SCAI: variants seen among roughly 807,000 people sequenced by gnomAD.
SCAI encodes suppressor of cancer cell invasion.
A neutral mutation model predicts 92.2 loss-of-function variants in SCAI; 24 were observed. That is an observed-to-expected ratio of 0.26 (90% CI 0.19 to 0.37). The LOEUF is 0.37. Among genes scored for constraint, SCAI ranks in the 10% least tolerant of loss-of-function variants. SCAI has a pLI of 1.00. For synonymous variants in SCAI, 261 were observed against 258.6 expected (o/e 1.01, Z -0.09); for missense variants, 450 against 736.2 (o/e 0.61, Z 4.50).
At chr9:125,139,217 A>T (rs1479258717) in intron 2 of SCAI, among the ~76,000 whole-genome samples, 1 of 152,236 alleles carries the variant, frequency 6.6e-6, no homozygotes, top group African/African-American at 2.4e-5. Flanking sequence ...GTTCACGACC[A>T]GCCTGAGCAA....
At chr9:124,955,424 G>C (rs1340072521) in intron 17 of SCAI, among the ~76,000 whole-genome samples, 1 of 152,044 alleles carries the variant, frequency 6.6e-6, no homozygotes. Flanking sequence ...ATAAGGCCGG[G>C]TGTGATGGCC....
At chr9:125,093,260 C>T (rs1374474135) in intron 2 of SCAI, among the ~76,000 whole-genome samples, 1 of 152,060 alleles carries the variant, frequency 6.6e-6, no homozygotes, top group Non-Finnish European at 1.5e-5. Flanking sequence ...ACTCGGGAGG[C>T]TGAGGCAGGA....
At chr9:125,088,748 G>T (rs1285808560) in intron 2 of SCAI, among the ~76,000 whole-genome samples, 1 of 152,038 alleles carries the variant, frequency 6.6e-6, no homozygotes, top group Non-Finnish European at 1.5e-5. Flanking sequence ...AAAGTTCTAG[G>T]ATTACAGGCA....
intron 9 of SCAI, 109 bp downstream of exon 9, chr9:125,018,690 T>C: frequency 1.1e-6 from 1 of 934,364 alleles, no homozygotes; most frequent in Non-Finnish European, 1.6e-6. Context: ...TAATCAGCAA[T>C]TTCCTCACAA....
At chr9:125,013,549 A>T (rs1832684412) in intron 9 of SCAI, among the ~76,000 whole-genome samples, 1 of 152,220 alleles carries the variant, frequency 6.6e-6, no homozygotes, top group African/African-American at 2.4e-5. Flanking sequence ...TAGCTTACCA[A>T]CCAAAAAGAG....
chr9:124,995,163 T>C (rs578245643), intron 13 of SCAI, 148 bp from the exon 14 acceptor site: 1 of 570,922 alleles, frequency 1.8e-6, no homozygotes, highest in African/African-American at 1.9e-5. Flanking sequence ...AAAAAGCCTG[T>C]ATTTACTAGG....
chr9:125,088,771 C>T (rs1415620415), intron 2 of SCAI, among the ~76,000 whole-genome samples: 2 of 152,072 alleles, frequency 1.3e-5, no homozygotes, highest in Admixed American at 6.6e-5. Context: ...AACCACCATG[C>T]CTGGATGTAT....
At chr9:124,965,248 G>C (rs957834949) in intron 17 of SCAI, among the ~76,000 whole-genome samples, 1 of 151,768 alleles carries the variant, frequency 6.6e-6, no homozygotes, top group Admixed American at 6.6e-5. Flanking sequence ...GTGTATGTCG[G>C]GGGGGAATGG....
rs1835577584 is a variant in SCAI, at chr9:125,138,075, T to C, written c.98+4558A>G. On this transcript the variant is annotated intron_variant, in intron 2 of 17. Transcript: ENST00000336505. ...TGCACTAATTCTGCCACTGGCTTTA[T>C]CTGCTTCTTTCATTTCTTCTTGGCC... 2.0e-5 allele frequency among the ~76,000 whole-genome samples: 3 copies of C among 152,156 alleles called. No individual in the cohort carries two copies. The South Asian group carries it at 6.2e-4, about 32-fold the overall frequency.
rs1299930738 is a variant in SCAI at position 125,106,096 on chromosome 9, C to CACAAAAAAAAAAAAA, written c.98+36536_98+36537insTTTTTTTTTTTTTGT. Among the ~76,000 whole-genome samples the CACAAAAAAAAAAAAA allele has an allele frequency of 1.6e-4, 3 of 18,780 alleles. 1 individual carries two copies. In the East Asian group the frequency reaches 0.015, roughly 91 times the overall value. 12.3% of individuals were successfully genotyped at this position (18,780 alleles called of 152,430 possible). A position where few individuals can be genotyped will look rare whatever the true frequency, so the allele number is the denominator to read the frequency against. ...TGCGTGACAGAGTGAGACTCCATCT[C>CACAAAAAAAAAAAAA]AAAAAAAAAAAAAAAAAAAAAAAAA... is the stretch of plus-strand genomic sequence containing the variant. On this transcript the variant is annotated intron_variant, in intron 2 of 17. Coordinates refer to ENST00000336505, the MANE Select transcript of SCAI (RefSeq NM_001144877.3).
chr9:125,130,936 C>CTTTTTTTTTTTTT (rs545651994), intron 2 of SCAI, among the ~76,000 whole-genome samples: 2 of 77,294 alleles, frequency 2.6e-5, no homozygotes, highest in South Asian at 4.4e-4. Context: ...GTTTGAACCG[C>CTTTTTTTTTTTTT]TTTTTTTTTT....
intron 4 of SCAI, among the ~76,000 whole-genome samples, chr9:125,028,783 G>A (rs761699367): frequency 2.0e-5 from 3 of 150,316 alleles, no homozygotes; most frequent in South Asian, 2.1e-4. Context: ...TTTAAAAATC[G>A]GACAAGAACA....
intron 3 of SCAI, among the ~76,000 whole-genome samples, chr9:125,032,170 AATATATATAT>A (rs1195663083): frequency 9.3e-5 from 11 of 118,710 alleles, no homozygotes; most frequent in African/African-American, 3.9e-4. Context: ...TAGTAAAATG[AATATATATAT>A]ATATATATAT....
chr9:125,080,931 T>C (rs193245170), intron 2 of SCAI, among the ~76,000 whole-genome samples: 2 of 152,316 alleles, frequency 1.3e-5, no homozygotes, highest in Admixed American at 6.5e-5. Flanking sequence ...CTCCTGATAG[T>C]GAATAAGTCT....
At chr9:125,042,634 T>TACACGTAC (rs1554783864) in intron 3 of SCAI, among the ~76,000 whole-genome samples, 2 of 96,192 alleles carry the variant, frequency 2.1e-5, no homozygotes, top group Non-Finnish European at 4.0e-5. Context: ...TGTGTGTGTG[T>TACACGTAC]ACACACACAC....
At chr9:124,971,243 A>T in intron 17 of SCAI, 127 bp downstream of exon 17, 1 of 496,358 alleles carries the variant, frequency 2.0e-6, no homozygotes, top group Admixed American at 3.8e-5. Context: ...ATTTGTAAAT[A>T]TTATTTTGAA....
In SCAI at chr9:125,128,724, G is replaced by A. The variant is rs1835331312; in HGVS notation, c.98+13909C>T. Among the ~76,000 whole-genome samples the A allele has an allele frequency of 2.7e-5, 4 of 150,614 alleles. No homozygotes were observed. In the South Asian group the frequency reaches 8.4e-4, roughly 31 times the overall value. On this transcript the variant is annotated intron_variant, in intron 2 of 17. Transcript: ENST00000336505. ...GCCGAGATTGTGCCACTGCACTCCA[G>A]CCTGGGCGACAGAGCGAAACTCCGT...
intron 14 of SCAI, among the ~76,000 whole-genome samples, chr9:124,990,279 AG>A (rs1564369004): frequency 6.6e-6 from 1 of 152,062 alleles, no homozygotes; most frequent in Non-Finnish European, 1.5e-5. Context: ...ACCTCAAGTC[AG>A]GAGTTCAAGA....
rs1831209322 is a variant in SCAI at position 124,950,053 on chromosome 9, T to C, written c.*2754A>G. 6.6e-6 allele frequency: 1 copy of C among 152,182 alleles called. No individual in the cohort carries two copies. The highest frequency in any genetic ancestry group is 6.5e-5 in the Admixed American group (1 of 15,272). The allele number at this position is 152,182 out of a possible 1,614,324, so 9.4% of individuals were successfully genotyped here. On this transcript the variant is annotated 3_prime_UTR_variant, in exon 18 of 18. Coordinates refer to ENST00000336505, the MANE Select transcript of SCAI (RefSeq NM_001144877.3). ...TAAGACCCTCATTTTTAGACAAGCATGTTTCTAATCATAAAAGCTCTAATT... is the reference window on the plus strand; with the variant it reads ...TAAGACCCTCATTTTTAGACAAGCACGTTTCTAATCATAAAAGCTCTAATT...
Sources: gnomAD v4.1 joint callset for allele counts (sites outside exome capture counted in the v4.1 genomes callset) on GRCh38, gnomAD v4.1.1 for gene constraint, MANE v1.5 for transcripts, NCBI Gene and HGNC (gene_info 2026-07-23, HGNC 2026-07-21) for gene names.